BNIP3L: variants seen among roughly 807,000 people sequenced by gnomAD.
BNIP3L encodes the protein BCL2/adenovirus E1B 19 kDa protein-interacting protein 3-like.
Under a neutral mutation model 25.5 loss-of-function variants are expected in BNIP3L, and 10 were observed. That is an observed-to-expected ratio of 0.39 (90% CI 0.24 to 0.67). The LOEUF is 0.67. Among genes scored for constraint, BNIP3L ranks in the 30% least tolerant of loss-of-function variants. BNIP3L has a pLI of 0.45. For missense variants in BNIP3L, 215 were observed against 270.9 expected (o/e 0.79, Z 1.45); for synonymous variants, 113 against 101.2 (o/e 1.12, Z -0.70).
chr8:26,391,383 GAATCAGGAC>G lies in BNIP3L; in HGVS notation c.243_251del (p.Gly83_Ser85del), dbSNP rs1485727851. 6.2e-7 allele frequency: 1 copy of G among 1,605,860 alleles called. No individual in the cohort carries two copies. Among genetic ancestry groups the G allele is most frequent in the Non-Finnish European group, 8.5e-7 (1 of 1,176,306 alleles). On this transcript the variant is annotated inframe_deletion, in exon 2 of 6. Transcript: ENST00000380629. ...GAAGATTCTTTTGGATGCACAACAT[GAATCAGGAC>G]AGAGTAGTTCCAGAGGCAGTTCTCA...
rs573123266 is a variant in BNIP3L, at chr8:26,385,365, A to G, written c.100+2135A>G. 5.3e-5 allele frequency among the ~76,000 whole-genome samples: 8 copies of G among 151,876 alleles called. No individual in the cohort carries two copies. In the South Asian group the frequency reaches 1.5e-3, roughly 28 times the overall value. ...TCATCCTAGCACTTTGGGAGGCCAAAGCGAGTGGATCACTTGAGGTCAGGA... is the reference window on the plus strand; with the variant it reads ...TCATCCTAGCACTTTGGGAGGCCAAGGCGAGTGGATCACTTGAGGTCAGGA... On this transcript the variant is annotated intron_variant, in intron 1 of 5. Coordinates refer to ENST00000380629, the MANE Select transcript of BNIP3L (RefSeq NM_004331.3).
chr8:26,389,683 A>G lies in BNIP3L; in HGVS notation c.101-1560A>G, dbSNP rs146150892. Among the ~76,000 whole-genome samples the G allele has an allele frequency of 5.0e-4, 76 of 152,332 alleles. 2 individuals are homozygous for G. The highest frequency in any genetic ancestry group is 1.8e-3 in the African/African-American group (76 of 41,572). ...ATTTACCAGCACTTGATACTACTAA[A>G]TCGTCACAGCACCCCGGTGTTATTA... On this transcript the variant is annotated intron_variant, in intron 1 of 5. Transcript: ENST00000380629.
intron 1 of BNIP3L, among the ~76,000 whole-genome samples, chr8:26,386,758 T>C (rs1232828124): frequency 6.6e-6 from 1 of 152,250 alleles, no homozygotes; most frequent in African/African-American, 2.4e-5. Context: ...ATGTCCTTGC[T>C]TTCTTGTTAT....
intron 5 of BNIP3L, among the ~76,000 whole-genome samples, chr8:26,408,799 G>A (rs1462006288): frequency 6.6e-6 from 1 of 151,242 alleles, no homozygotes; most frequent in Admixed American, 6.6e-5. Flanking sequence ...TTGAACATGG[G>A]AGGCGGAAAT....
intron 1 of BNIP3L, among the ~76,000 whole-genome samples, chr8:26,384,257 T>A (rs1188728344): frequency 6.6e-6 from 1 of 152,208 alleles, no homozygotes; most frequent in African/African-American, 2.4e-5. Context: ...ACTTGGATGC[T>A]TAAAGGTCAT....
At chr8:26,407,090 C>T (rs575058575) in intron 3 of BNIP3L, among the ~76,000 whole-genome samples, 45 of 151,834 alleles carry the variant, frequency 3.0e-4, no homozygotes, top group Non-Finnish European at 4.0e-4. Context: ...CAAGCAACCT[C>T]CACCTCCCAG....
intron 1 of BNIP3L, among the ~76,000 whole-genome samples, chr8:26,388,342 GTTA>G (rs1290386893): frequency 6.6e-6 from 1 of 152,174 alleles, no homozygotes; most frequent in African/African-American, 2.4e-5. Flanking sequence ...GGTAGATACA[GTTA>G]TTATCTCTAT....
chr8:26,383,357 G>C (rs1805899583), intron 1 of BNIP3L, 127 bp downstream of exon 1: 1 of 1,472,420 alleles, frequency 6.8e-7, no homozygotes, highest in Non-Finnish European at 9.0e-7. Flanking sequence ...GGATGTCCAG[G>C]TGACTGACAG....
In BNIP3L at chr8:26,410,699, T is replaced by G; in HGVS notation, c.*287T>G. On this transcript the variant is annotated 3_prime_UTR_variant, in exon 6 of 6. Transcript: ENST00000380629. The stretch of plus-strand genomic sequence containing the variant: ...TTTTCCGCAAATGCCACCAGCAGAT[T>G]ATAATTTTGTCAGCAATGCTATTAT... 2.4e-6 allele frequency: 1 copy of G among 418,470 alleles called. No individual in the cohort carries two copies. Among genetic ancestry groups the G allele is most frequent in the Non-Finnish European group, 4.5e-6 (1 of 224,642 alleles). The allele number at this position is 418,470 out of a possible 1,614,324, so 25.9% of individuals were successfully genotyped here.
At chr8:26,403,505 CTAGAT>C (rs1806436108) in intron 3 of BNIP3L, among the ~76,000 whole-genome samples, 1 of 148,886 alleles carries the variant, frequency 6.7e-6, no homozygotes, top group African/African-American at 2.5e-5. Context: ...CTAACATTAA[CTAGAT>C]ATGTTCTAGG....
At chr8:26,390,127 ATT>A (rs1806071987) in intron 1 of BNIP3L, among the ~76,000 whole-genome samples, 1 of 152,102 alleles carries the variant, frequency 6.6e-6, no homozygotes, top group South Asian at 2.1e-4. Flanking sequence ...CTTACTTACT[ATT>A]CTTTTGTAGA....
At chr8:26,406,851 A>C (rs1024217721) in intron 3 of BNIP3L, among the ~76,000 whole-genome samples, 13 of 151,752 alleles carry the variant, frequency 8.6e-5, no homozygotes, top group Non-Finnish European at 1.5e-4. Context: ...TGCTTGGAAT[A>C]ATATTTGCCC....
In BNIP3L at chr8:26,401,244, T is replaced by G. The variant is rs562285747; in HGVS notation, c.357+5942T>G. On this transcript the variant is annotated intron_variant, in intron 3 of 5. Coordinates refer to ENST00000380629, the MANE Select transcript of BNIP3L (RefSeq NM_004331.3). ...TGGAATACTATGCAGCCATAAAAAATGATGAGTTCATGTCCTTTGTAGGGA... is the reference window on the plus strand; with the variant it reads ...TGGAATACTATGCAGCCATAAAAAAGGATGAGTTCATGTCCTTTGTAGGGA... 6.6e-3 allele frequency among the ~76,000 whole-genome samples: 898 copies of G among 136,426 alleles called. 9 individuals carry two copies. The highest frequency in any genetic ancestry group is 0.012 in the South Asian group (47 of 3,952). 89.5% of individuals were successfully genotyped at this position (136,426 alleles called of 152,430 possible).
At chr8:26,395,080 A>C (rs1585433815) in intron 2 of BNIP3L, 150 bp from the exon 3 acceptor site, 1 of 615,824 alleles carries the variant, frequency 1.6e-6, no homozygotes, top group African/African-American at 1.9e-5. Context: ...ATATCACATA[A>C]ATTTTTCTTG....
At chr8:26,408,775 G>A (rs1585442122) in intron 5 of BNIP3L, among the ~76,000 whole-genome samples, 1 of 151,844 alleles carries the variant, frequency 6.6e-6, no homozygotes, top group Non-Finnish European at 1.5e-5. Flanking sequence ...GGGAGGCTGA[G>A]GCAGGAGAAT....
chr8:26,397,474 G>A (rs1356835536), intron 3 of BNIP3L, among the ~76,000 whole-genome samples: 1,557 of 111,152 alleles, frequency 0.014, 14 homozygotes, highest in African/African-American at 0.045. Context: ...TGAAGGAAGC[G>A]CTAAACATGG....
At chr8:26,408,206 G>A (rs1308199370) in intron 4 of BNIP3L, 21 bp from the exon 5 acceptor site, 2 of 1,612,618 alleles carry the variant, frequency 1.2e-6, no homozygotes, top group South Asian at 2.2e-5. Context: ...AATGACATCT[G>A]CCTCTGAATT....
At chr8:26,395,765 G>A (rs927274326) in intron 3 of BNIP3L, 4 of 159,734 alleles carry the variant, frequency 2.5e-5, no homozygotes, top group South Asian at 1.5e-4. Context: ...CAGTGGGTGC[G>A]CGCACCGTGC....
chr8:26,384,860 C>T (rs1045169261), intron 1 of BNIP3L, among the ~76,000 whole-genome samples: 2 of 151,426 alleles, frequency 1.3e-5, no homozygotes, highest in African/African-American at 4.9e-5. Flanking sequence ...ACCCGCCCAG[C>T]TAATTTTTGT....
Sources: gnomAD v4.1 joint callset for allele counts (sites outside exome capture counted in the v4.1 genomes callset) on GRCh38, gnomAD v4.1.1 for gene constraint, MANE v1.5 for transcripts, NCBI Gene and HGNC (gene_info 2026-07-23, HGNC 2026-07-21) for gene names.